ACYP2: variants seen among roughly 807,000 people sequenced by gnomAD.
ACYP2 encodes the protein acylphosphatase 2.
Under a neutral mutation model 11.2 loss-of-function variants are expected in ACYP2, and 12 were observed. The observed-to-expected ratio is 1.08, with a 90% CI of 0.69 to 1.74. The LOEUF is 1.74. Among genes scored for constraint, ACYP2 ranks in the 40% most tolerant of loss-of-function variants. The pLI is 0.00. For synonymous variants in ACYP2, 43 were observed against 32.2 expected, an observed-to-expected ratio of 1.33 and a Z score of -1.13; for missense variants, 134 against 101.9, an observed-to-expected ratio of 1.31 and a Z score of -1.35.
chr2:53,989,814 G>T (rs923637917), intron 2 of ACYP2, among the ~76,000 whole-genome samples: 1 of 152,062 alleles, frequency 6.6e-6, no homozygotes, highest in Non-Finnish European at 1.5e-5. Context: ...TGCCTACAGT[G>T]GCCATTATGT....
chr2:54,158,620 T>C (rs578008055), intron 6 of ACYP2, among the ~76,000 whole-genome samples: 16 of 152,338 alleles, frequency 1.1e-4, no homozygotes, highest in African/African-American at 2.9e-4. Flanking sequence ...CCCCATATTT[T>C]TGAAGTGTTG....
At chr2:54,253,542 T>TA (rs1687336592) in intron 6 of ACYP2, 1 of 152,206 alleles carries the variant, frequency 6.6e-6, no homozygotes. Context: ...CTAGGGAACA[T>TA]ATTTAACACT....
chr2:54,216,058 G>A (rs1052874333), intron 6 of ACYP2, among the ~76,000 whole-genome samples: 2 of 152,154 alleles, frequency 1.3e-5, no homozygotes, highest in Non-Finnish European at 2.9e-5. Flanking sequence ...TTTAGCCAAT[G>A]TAGAATTTTT....
At chr2:54,118,810 G>A (rs140867724) in intron 4 of ACYP2, among the ~76,000 whole-genome samples, 256 of 152,218 alleles carry the variant, frequency 1.7e-3, no homozygotes, top group Non-Finnish European at 3.2e-3. Context: ...ATTGATCAAG[G>A]CATAGTATGT....
At chr2:53,985,852 T>G (rs1672011309) in intron 2 of ACYP2, among the ~76,000 whole-genome samples, 2 of 152,148 alleles carry the variant, frequency 1.3e-5, no homozygotes, top group African/African-American at 4.8e-5. Flanking sequence ...ATAGCCTGGT[T>G]GACCAGTGCT....
At chr2:54,021,412 G>C (rs1265238005) in intron 2 of ACYP2, among the ~76,000 whole-genome samples, 1 of 152,164 alleles carries the variant, frequency 6.6e-6, no homozygotes, top group African/African-American at 2.4e-5. Context: ...GATACCATTG[G>C]TTCTTTGGAG....
At chr2:54,034,873 C>T (rs533680523) in intron 2 of ACYP2, among the ~76,000 whole-genome samples, 21 of 151,550 alleles carry the variant, frequency 1.4e-4, no homozygotes, top group Admixed American at 1.3e-3. Flanking sequence ...AGCTGGGCGT[C>T]GTGGCAGGCG....
Position 54,174,623 on chromosome 2 carries a change from C to T in ACYP2, c.404+35875C>T, listed in dbSNP as rs1260853858. ...GTGCTGGTTTTCAAAGGGAATGCTTCCAGTTTTTGCCCATTCAGTATGATA... is the reference window on the plus strand; with the variant it reads ...GTGCTGGTTTTCAAAGGGAATGCTTTCAGTTTTTGCCCATTCAGTATGATA... On this transcript the variant is annotated intron_variant, in intron 6 of 6. Coordinates refer to ENST00000607452, the MANE Select transcript of ACYP2 (RefSeq NM_001320586.2). Among the ~76,000 whole-genome samples, 4 of 152,108 alleles carry T rather than the reference C, an allele frequency of 2.6e-5. No individual in the cohort carries two copies. The South Asian group carries it at 8.3e-4, about 32-fold the overall frequency.
chr2:53,997,831 T>A (rs1362918787), intron 2 of ACYP2, among the ~76,000 whole-genome samples: 1 of 152,026 alleles, frequency 6.6e-6, no homozygotes, highest in Non-Finnish European at 1.5e-5. Context: ...GGAAAATACA[T>A]TGGGAAATGA....
intron 4 of ACYP2, among the ~76,000 whole-genome samples, chr2:54,071,899 T>C (rs553457758): frequency 6.6e-6 from 1 of 152,158 alleles, no homozygotes; most frequent in African/African-American, 2.4e-5. Flanking sequence ...TAATCCCAGC[T>C]ACTTAGGAGG....
chr2:54,080,661 G>A (rs946189329), intron 4 of ACYP2, among the ~76,000 whole-genome samples: 1 of 151,904 alleles, frequency 6.6e-6, no homozygotes, highest in Admixed American at 6.6e-5. Flanking sequence ...GGTAATTTTT[G>A]TATTTTTAGT....
chr2:54,007,310 A>G lies in ACYP2; in HGVS notation c.62+33500A>G, dbSNP rs554112876. On this transcript the variant is annotated intron_variant, in intron 2 of 6. Transcript: ENST00000607452. ...CGCTCTGTCACCAGACTGGAGTGCA[A>G]TGGCACAATCTCGGCTCACCGCAAC... is the stretch of plus-strand genomic sequence containing the variant. Among the ~76,000 whole-genome samples, 47 of 146,506 alleles carry G rather than the reference A, an allele frequency of 3.2e-4. No homozygotes were observed. The East Asian group carries it at 9.2e-3, about 29-fold the overall frequency.
chr2:54,188,443 T>C (rs917148662), intron 6 of ACYP2, among the ~76,000 whole-genome samples: 4 of 152,182 alleles, frequency 2.6e-5, no homozygotes, highest in Non-Finnish European at 4.4e-5. Flanking sequence ...CTCACTATTA[T>C]ATTGTTAAAA....
In ACYP2 at chr2:54,007,161, A is replaced by AAAAAG. The variant is rs1673113714; in HGVS notation, c.62+33354_62+33355insAGAAA. ...GTCAAAAAAAAAAAAAAAAAAAAAA[A>AAAAAG]AAAGAAAGAAAGAAAGAAAGAAAAA... On this transcript the variant is annotated intron_variant, in intron 2 of 6. Transcript: ENST00000607452. Among the ~76,000 whole-genome samples the AAAAAG allele has an allele frequency of 4.2e-5, 6 of 141,376 alleles. No homozygotes were observed. The South Asian group carries it at 8.5e-4, about 20-fold the overall frequency. The allele number at this position is 141,376 out of a possible 152,430, so 92.7% of individuals were successfully genotyped here.
chr2:54,010,707 C>T (rs867802293), intron 2 of ACYP2, among the ~76,000 whole-genome samples: 2 of 149,908 alleles, frequency 1.3e-5, no homozygotes, highest in Non-Finnish European at 2.9e-5. Context: ...TCTCTCCTTC[C>T]TCCACTTCGG....
chr2:54,095,715 T>C (rs1678513151), intron 4 of ACYP2, among the ~76,000 whole-genome samples: 1 of 102,712 alleles, frequency 9.7e-6, no homozygotes, highest in Non-Finnish European at 2.0e-5. Flanking sequence ...GAGGGGCTCC[T>C]CACTTCCCAG....
intron 3 of ACYP2, among the ~76,000 whole-genome samples, chr2:54,053,243 A>G (rs1675957220): frequency 6.6e-6 from 1 of 152,166 alleles, no homozygotes; most frequent in South Asian, 2.1e-4. Context: ...ACCCTGTCCT[A>G]TATTGCTGCT....
At chr2:54,263,415 G>C (rs1687865355) in intron 6 of ACYP2, among the ~76,000 whole-genome samples, 1 of 152,178 alleles carries the variant, frequency 6.6e-6, no homozygotes, top group Admixed American at 6.5e-5. Context: ...TTCAACATGA[G>C]ATTTGAGCAG....
intron 4 of ACYP2, among the ~76,000 whole-genome samples, chr2:54,107,009 A>G (rs1328585769): frequency 6.6e-6 from 1 of 152,204 alleles, no homozygotes; most frequent in African/African-American, 2.4e-5. Flanking sequence ...TTAGGGGTTT[A>G]GCATGCACCT....
Sources: allele counts gnomAD v4.1 joint callset (sites outside exome capture counted in the v4.1 genomes callset), GRCh38; gene constraint gnomAD v4.1.1; transcripts MANE v1.5; gene names NCBI Gene and HGNC (gene_info 2026-07-23, HGNC 2026-07-21).